Variants in KNTC1 observed in about 807,000 individuals in gnomAD.
The protein encoded by KNTC1 is kinetochore associated 1.
Under a neutral mutation model 314.4 loss-of-function variants are expected in KNTC1, and 253 were observed. The ratio of observed to expected loss-of-function variants is 0.80; its 90% CI spans 0.73 to 0.89. The LOEUF is 0.89. Ranked by LOEUF, KNTC1 falls within the 40% of genes least tolerant of loss-of-function variation. KNTC1 has a pLI of 0.00. For synonymous variants in KNTC1, 901 were observed against 901.4 expected, an observed-to-expected ratio of 1.00 and a Z score of 0.01; for missense variants, 2,475 against 2,572.9, an observed-to-expected ratio of 0.96 and a Z score of 0.82.
intron 53 of KNTC1, 49 bp from the exon 54 acceptor site, chr12:122,613,063 A>G (rs1345275081): frequency 1.1e-5 from 10 of 945,466 alleles, no homozygotes; most frequent in African/African-American, 5.0e-5. Flanking sequence ...CATTTACCCA[A>G]CTACAATGTG....
At chr12:122,545,777 C>T (rs1414818154) in intron 8 of KNTC1, among the ~76,000 whole-genome samples, 1 of 151,826 alleles carries the variant, frequency 6.6e-6, no homozygotes, top group African/African-American at 2.4e-5. Flanking sequence ...CATAGGGAGA[C>T]CCTGTCTCTA....
At chr12:122,604,298 C>A (rs1217001999) in intron 48 of KNTC1, among the ~76,000 whole-genome samples, 1 of 151,260 alleles carries the variant, frequency 6.6e-6, no homozygotes. Flanking sequence ...AGGCATGTGC[C>A]ACCATGCCCA....
In KNTC1 at chr12:122,564,824, C is replaced by T. The variant is rs553374529; in HGVS notation, c.1604+2125C>T. Among the ~76,000 whole-genome samples the T allele has an allele frequency of 4.6e-5, 7 of 152,202 alleles. No individual in the cohort carries two copies. In the East Asian group the frequency reaches 1.4e-3, roughly 29 times the overall value. On this transcript the variant is annotated intron_variant, in intron 20 of 63. Coordinates refer to ENST00000333479, the MANE Select transcript of KNTC1 (RefSeq NM_014708.6). ...CCTTTGATCATAGTCAGATTCTTACCATATCTTCTAATTGCTCATTTCCCT... is the reference window on the plus strand; with the variant it reads ...CCTTTGATCATAGTCAGATTCTTACTATATCTTCTAATTGCTCATTTCCCT...
At chr12:122,581,912 A>G (rs1409981814) in intron 33 of KNTC1, among the ~76,000 whole-genome samples, 2 of 152,186 alleles carry the variant, frequency 1.3e-5, no homozygotes, top group South Asian at 2.1e-4. Context: ...ACCTCTATCT[A>G]CTTTTTCATG....
chr12:122,568,617 A>G (rs1302148231), intron 21 of KNTC1, among the ~76,000 whole-genome samples: 1 of 152,204 alleles, frequency 6.6e-6, no homozygotes, highest in Non-Finnish European at 1.5e-5. Flanking sequence ...CGGGCTGATC[A>G]CTGGAGGTTG....
chr12:122,597,626 G>A (rs2138084536), intron 43 of KNTC1, 105 bp from the exon 44 acceptor site: 1 of 902,132 alleles, frequency 1.1e-6, no homozygotes, highest in Admixed American at 2.0e-5. Context: ...CAATGACAAG[G>A]TTAAATTTCA....
At chr12:122,585,454 A>G (rs1446163512) in intron 36 of KNTC1, among the ~76,000 whole-genome samples, 182 bp from the exon 37 acceptor site, 1 of 152,232 alleles carries the variant, frequency 6.6e-6, no homozygotes, top group African/African-American at 2.4e-5. Context: ...TGTTCCAGTC[A>G]CTTGATTGGC....
intron 38 of KNTC1, 60 bp downstream of exon 38, chr12:122,586,817 TA>T (rs1555232632): frequency 3.3e-6 from 2 of 615,158 alleles, no homozygotes; most frequent in Admixed American, 9.5e-5. Flanking sequence ...TTTATTTATT[TA>T]TTTTATTTTT....
chr12:122,538,593 G>A, intron 4 of KNTC1, 139 bp downstream of exon 4: 1 of 542,746 alleles, frequency 1.8e-6, no homozygotes, highest in Non-Finnish European at 3.2e-6. Context: ...CTTTGAAGGT[G>A]TTACCACAGC....
intron 4 of KNTC1, 82 bp from the exon 5 acceptor site, chr12:122,539,594 T>A: frequency 1.1e-6 from 1 of 941,310 alleles, no homozygotes; most frequent in Non-Finnish European, 1.6e-6. Context: ...TGATAATTGA[T>A]AACTCTAGAG....
intron 13 of KNTC1, among the ~76,000 whole-genome samples, 171 bp from the exon 14 acceptor site, chr12:122,551,148 G>GT (rs34865751): frequency 0.42 from 62,600 of 148,670 alleles, 14,331 homozygotes; most frequent in African/African-American, 0.62. Context: ...TTTTCCCAGT[G>GT]TTTTTTTTTT....
At chr12:122,592,875 T>C (rs1326173632) in intron 42 of KNTC1, 1 of 152,260 alleles carries the variant, frequency 6.6e-6, no homozygotes, top group Non-Finnish European at 1.5e-5. Context: ...TGCAATAATC[T>C]TGCTACTGCT....
chr12:122,600,671 CTT>C (rs879643875), intron 44 of KNTC1, among the ~76,000 whole-genome samples: 2 of 146,562 alleles, frequency 1.4e-5, no homozygotes, highest in Non-Finnish European at 1.5e-5. Context: ...GAGCTTCCTT[CTT>C]TTTTTTTTTT....
chr12:122,540,031 G>T (rs1962168352), intron 5 of KNTC1, among the ~76,000 whole-genome samples: 1 of 151,770 alleles, frequency 6.6e-6, no homozygotes, highest in Non-Finnish European at 1.5e-5. Context: ...TGATCCACCT[G>T]CCTCGGCCTC....
rs541948519 is a variant in KNTC1 at position 122,584,946 on chromosome 12, C to G, written c.3490C>G (p.Leu1164Val). 2 of 1,606,806 alleles carry G rather than the reference C, an allele frequency of 1.2e-6. No homozygotes were observed. The highest frequency in any genetic ancestry group is 2.2e-5 in the South Asian group (2 of 90,838). Residue 1164 changes from leucine (L) to valine (V), a missense_variant, in exon 36 of 64, where the codon CTT becomes GTT. By Grantham distance (32) the Leu-to-Val change is conservative. Coordinates refer to ENST00000333479, the MANE Select transcript of KNTC1 (RefSeq NM_014708.6). ...TAAACATACTTTAATGGCTGTAGAG[C>G]TTTCCAGACAATGCCAAATGGATGA... ...LCKHTLMAVE[L>V]SRQCQMDDCG...
intron 44 of KNTC1, among the ~76,000 whole-genome samples, chr12:122,598,335 T>C (rs1048501725): frequency 5.9e-5 from 9 of 152,138 alleles, no homozygotes; most frequent in Admixed American, 1.3e-4. Flanking sequence ...TTATATGTCA[T>C]TACATACACA....
chr12:122,545,915 C>G (rs1168887070), intron 8 of KNTC1, among the ~76,000 whole-genome samples: 5 of 149,010 alleles, frequency 3.4e-5, no homozygotes, highest in African/African-American at 5.0e-5. Flanking sequence ...CACTGCCCTC[C>G]AGCCTGGGCA....
chr12:122,551,459 T>C lies in KNTC1; in HGVS notation c.1132T>C (p.Leu378=). 6.3e-7 allele frequency: 1 copy of C among 1,581,462 alleles called. No individual in the cohort carries two copies. Among genetic ancestry groups the C allele is most frequent in the Non-Finnish European group, 8.6e-7 (1 of 1,161,882 alleles). The change falls in exon 15 of 64, where the codon TTG becomes CTG. Residue 378 remains leucine, a splice_region_variant and synonymous_variant. Transcript: ENST00000333479. ...ATTTATAGTTAAAATTTTTTCTAGA[T>C]TGTCTGAAGACTCAGTCTCTGTGTT... ...LEGVCKNDPK[L]SEDSVSVLVL... is the part of the protein sequence containing the mutation.
rs199552454 is a variant in KNTC1, at chr12:122,604,533, C to CTTTA, written c.5102-7_5102-4dup. On this transcript the variant is annotated intron_variant, in intron 48 of 63. Transcript: ENST00000333479. ...AAAAGATTAAGATTTGCCTGTAAAT[C>CTTTA]TTTATTTATTTATTTATTTATTTAT... is the stretch of plus-strand genomic sequence containing the variant. 11,193 of 1,174,416 alleles carry CTTTA rather than the reference C, an allele frequency of 9.5e-3. 83 individuals carry two copies. The highest frequency in any genetic ancestry group is 0.012 in the South Asian group (807 of 67,826). The allele number at this position is 1,174,416 out of a possible 1,614,324, so 72.7% of individuals were successfully genotyped here. A position where few individuals can be genotyped will look rare whatever the true frequency, so the allele number is the denominator to read the frequency against.
Sources: allele counts gnomAD v4.1 joint callset (sites outside exome capture counted in the v4.1 genomes callset), GRCh38; gene constraint gnomAD v4.1.1; transcripts MANE v1.5; gene names NCBI Gene and HGNC (gene_info 2026-07-23, HGNC 2026-07-21).